Variants in SEMA3A observed in about 807,000 individuals in gnomAD.
SEMA3A encodes semaphorin 3A.
In SEMA3A, 29 loss-of-function variants were observed where a neutral mutation model predicts 97.9. The observed-to-expected ratio is 0.30, with a 90% CI of 0.22 to 0.40. The LOEUF (loss-of-function observed/expected upper bound fraction) is 0.40, where lower values mean the gene tolerates loss of function less well. Among genes scored for constraint, SEMA3A ranks in the 10% least tolerant of loss-of-function variants. The probability of loss-of-function intolerance (pLI) is 1.00; values close to 1 mark genes in which losing one functional copy is unlikely to be tolerated. For synonymous variants in SEMA3A, 321 were observed against 323.7 expected, an observed-to-expected ratio of 0.99 and a Z score of 0.09; for missense variants, 763 against 951.3, an observed-to-expected ratio of 0.80 and a Z score of 2.60.
chr7:84,348,260 C>T (rs993447955), intron 2 of SEMA3A, among the ~76,000 whole-genome samples: 6 of 152,060 alleles, frequency 3.9e-5, no homozygotes, highest in African/African-American at 1.4e-4. Flanking sequence ...ATTAATTAAG[C>T]ATTGTTTAAG....
chr7:84,360,664 C>T (rs187655852), intron 2 of SEMA3A, among the ~76,000 whole-genome samples: 1 of 152,182 alleles, frequency 6.6e-6, no homozygotes, highest in Admixed American at 6.6e-5. Context: ...AGTATACAAT[C>T]TATTATACAA....
intron 3 of SEMA3A, among the ~76,000 whole-genome samples, chr7:84,244,430 C>T (rs904441687): frequency 6.6e-6 from 1 of 152,046 alleles, no homozygotes; most frequent in African/African-American, 2.4e-5. Flanking sequence ...TTTTTGCTTT[C>T]CATTTGCTTG....
intron 3 of SEMA3A, among the ~76,000 whole-genome samples, chr7:84,293,872 A>G (rs1800807988): frequency 6.6e-6 from 1 of 152,072 alleles, no homozygotes; most frequent in Admixed American, 6.6e-5. Context: ...CTTCACATAG[A>G]TGAAAAGATG....
intron 1 of SEMA3A, among the ~76,000 whole-genome samples, chr7:84,441,569 A>G (rs912143092): frequency 1.3e-5 from 2 of 152,120 alleles, no homozygotes; most frequent in African/African-American, 4.8e-5. Flanking sequence ...ACCATCAGGC[A>G]GACCAACATA....
intron 3 of SEMA3A, among the ~76,000 whole-genome samples, chr7:84,227,553 A>T: frequency 6.6e-6 from 1 of 152,150 alleles, no homozygotes; most frequent in East Asian, 1.9e-4. Context: ...CCACTTTCTT[A>T]TTATATTATT....
At chr7:84,063,738 G>A (rs1793355176) in intron 4 of SEMA3A, among the ~76,000 whole-genome samples, 1 of 150,102 alleles carries the variant, frequency 6.7e-6, no homozygotes, top group African/African-American at 2.5e-5. Context: ...AAAAAGAAAT[G>A]AGCAAAGCCT....
chr7:84,044,878 G>A (rs1273247060), intron 6 of SEMA3A, among the ~76,000 whole-genome samples: 1 of 151,998 alleles, frequency 6.6e-6, no homozygotes, highest in African/African-American at 2.4e-5. Context: ...ATTAACCAAA[G>A]AACATCAATG....
At chr7:84,327,121 T>C (rs1490009848) in intron 2 of SEMA3A, among the ~76,000 whole-genome samples, 1 of 151,974 alleles carries the variant, frequency 6.6e-6, no homozygotes, top group Non-Finnish European at 1.5e-5. Flanking sequence ...AAATAATAGG[T>C]TATCTGAAAT....
rs956494560 is a variant in SEMA3A at position 84,276,074 on chromosome 7, C to T, written c.-83+31133G>A. The stretch of plus-strand genomic sequence containing the variant: ...ATCTTCTCAGACTTGTCTTTTTCCA[C>T]TCTCTGTCCCATGCCCTAAGTTCCA... On this transcript the variant is annotated intron_variant, in intron 3 of 3. Coordinates refer to the SEMA3A transcript ENST00000424555. Among the ~76,000 whole-genome samples the T allele has an allele frequency of 2.6e-5, 4 of 152,194 alleles. No homozygotes were observed. In the East Asian group the frequency reaches 7.7e-4, roughly 29 times the overall value.
chr7:84,091,468 A>G (rs1794603274), intron 4 of SEMA3A, among the ~76,000 whole-genome samples: 1 of 152,124 alleles, frequency 6.6e-6, no homozygotes, highest in Admixed American at 6.5e-5. Context: ...TGCCAAACTA[A>G]AATAGCACAC....
chr7:84,054,807 G>T (rs1319912729), intron 5 of SEMA3A, among the ~76,000 whole-genome samples: 1 of 145,628 alleles, frequency 6.9e-6, no homozygotes, highest in Non-Finnish European at 1.5e-5. Flanking sequence ...CAGTTTTTCT[G>T]TTCTGTTTTT....
chr7:84,194,172 G>A (rs771901195), intron 1 of SEMA3A, among the ~76,000 whole-genome samples: 2 of 151,970 alleles, frequency 1.3e-5, no homozygotes, highest in African/African-American at 4.8e-5. Flanking sequence ...AATTAAAGTC[G>A]GAAAAATTAA....
At chr7:84,282,400 C>A (rs1800460528) in intron 3 of SEMA3A, among the ~76,000 whole-genome samples, 1 of 152,018 alleles carries the variant, frequency 6.6e-6, no homozygotes, top group Non-Finnish European at 1.5e-5. Flanking sequence ...TTTATGTTAG[C>A]AATTAAATTA....
rs557265067 is a variant in SEMA3A at position 84,080,077 on chromosome 7, A to C, written c.454-19519T>G. ...AGGGACATGGATGAAATTGGAAATC[A>C]TCATTCTCAGTAAACTATCGCAAGG... On this transcript the variant is annotated intron_variant, in intron 4 of 16. Transcript: ENST00000265362. Among the ~76,000 whole-genome samples the C allele has an allele frequency of 9.7e-5, 14 of 144,696 alleles. No individual in the cohort carries two copies. In the South Asian group the frequency reaches 3.1e-3, roughly 32 times the overall value. The allele number at this position is 144,696 out of a possible 152,430, so 94.9% of individuals were successfully genotyped here.
chr7:83,972,262 G>T (rs1236387686), intron 15 of SEMA3A, among the ~76,000 whole-genome samples: 1 of 151,796 alleles, frequency 6.6e-6, no homozygotes, highest in Non-Finnish European at 1.5e-5. Context: ...TAACTTTGAA[G>T]CCACTTGAAT....
intron 3 of SEMA3A, among the ~76,000 whole-genome samples, chr7:84,287,744 C>G (rs889201705): frequency 5.9e-5 from 9 of 152,048 alleles, no homozygotes; most frequent in Admixed American, 2.0e-4. Context: ...AGACCAGCCA[C>G]GCCAAGCACT....
intron 3 of SEMA3A, among the ~76,000 whole-genome samples, chr7:84,280,471 A>G (rs897582403): frequency 1.3e-5 from 2 of 152,046 alleles, no homozygotes; most frequent in Non-Finnish European, 2.9e-5. Context: ...GTTCCATTAC[A>G]TCTCTTTATT....
chr7:84,198,617 G>A (rs1005627441), upstream of SEMA3A, among the ~76,000 whole-genome samples: 1 of 152,134 alleles, frequency 6.6e-6, no homozygotes, highest in African/African-American at 2.4e-5. Context: ...TTTACATAGT[G>A]TACTATATGT....
intron 5 of SEMA3A, among the ~76,000 whole-genome samples, chr7:84,047,657 C>T (rs191004804): frequency 1.8e-4 from 27 of 152,142 alleles, no homozygotes; most frequent in African/African-American, 5.8e-4. Flanking sequence ...AAAGGTTATA[C>T]ATTTTCCTTC....
Sources: allele counts gnomAD v4.1 joint callset (sites outside exome capture counted in the v4.1 genomes callset), GRCh38; gene constraint gnomAD v4.1.1; transcripts MANE v1.5; gene names NCBI Gene and HGNC (gene_info 2026-07-23, HGNC 2026-07-21).